Variants in PARVB observed in about 807,000 individuals in gnomAD.
PARVB encodes the protein beta-parvin.
Under a neutral mutation model 47.0 loss-of-function variants are expected in PARVB, and 46 were observed. The ratio of observed to expected loss-of-function variants is 0.98; its 90% confidence interval spans 0.77 to 1.25. The LOEUF is 1.25. Ranked by LOEUF, PARVB falls within the 50% of genes most tolerant of loss-of-function variation. The pLI is 0.00. For missense variants in PARVB, 473 were observed against 471.6 expected (o/e 1.00, Z -0.03); for synonymous variants, 196 against 196.3 (o/e 1.00, Z 0.01).
chr22:44,053,794 ATT>A (rs2051255113), intron 1 of PARVB, among the ~76,000 whole-genome samples: 1 of 152,172 alleles, frequency 6.6e-6, no homozygotes, highest in South Asian at 2.1e-4. Context: ...ATTTACTTAT[ATT>A]TCCTGGTTTA....
At chr22:44,090,971 A>G (rs2052152960) in intron 1 of PARVB, among the ~76,000 whole-genome samples, 2 of 152,230 alleles carry the variant, frequency 1.3e-5, no homozygotes, top group Admixed American at 1.3e-4. Flanking sequence ...ATGTGGTACA[A>G]ATACTTGCTG....
chr22:44,022,150 A>G (rs1289971244), upstream of PARVB, among the ~76,000 whole-genome samples: 1 of 152,052 alleles, frequency 6.6e-6, no homozygotes, highest in African/African-American at 2.4e-5. Context: ...TGCCTGCCTC[A>G]TAATTCCCGT....
chr22:44,107,550 C>A (rs879789415), intron 3 of PARVB: 1 of 152,180 alleles, frequency 6.6e-6, no homozygotes, highest in Non-Finnish European at 1.5e-5. Flanking sequence ...AACGAGGTGA[C>A]TCAGGGTGGG....
upstream of PARVB, among the ~76,000 whole-genome samples, chr22:44,021,966 A>G (rs778639419): frequency 3.9e-5 from 6 of 152,002 alleles, 1 homozygote; most frequent in African/African-American, 1.2e-4. Flanking sequence ...CCTAGCCTAC[A>G]CCTTGATTTG....
intron 1 of PARVB, among the ~76,000 whole-genome samples, chr22:44,027,476 G>A (rs558265417): frequency 2.0e-4 from 30 of 152,364 alleles, no homozygotes; most frequent in African/African-American, 6.3e-4. Flanking sequence ...CCACTGCCCA[G>A]TGGCCAGGGT....
intron 4 of PARVB, among the ~76,000 whole-genome samples, chr22:44,124,923 G>T (rs571906096): frequency 6.6e-6 from 1 of 152,268 alleles, no homozygotes; most frequent in Admixed American, 6.5e-5. Context: ...GGGAGCCCCT[G>T]CCAGAGAAAC....
Position 44,116,417 on chromosome 22 carries a change from C to CA in PARVB, c.274-2619dup, listed in dbSNP as rs1412148446. On this transcript the variant is annotated intron_variant, in intron 3 of 12. Transcript: ENST00000338758. The stretch of plus-strand genomic sequence containing the variant: ...TTATTTTCCTTTCTATCAACCATCA[C>CA]AACCTGAAACTGTGGGCGTCCGTGT... Among the ~76,000 whole-genome samples the CA allele has an allele frequency of 1.6e-4, 25 of 152,354 alleles. No individual in the cohort carries two copies. The East Asian group carries it at 4.2e-3, about 26-fold the overall frequency.
intron 2 of PARVB, among the ~76,000 whole-genome samples, chr22:44,007,464 A>G (rs1386742316): frequency 1.3e-5 from 2 of 151,812 alleles, no homozygotes; most frequent in African/African-American, 2.4e-5. Context: ...CTCTCTGTTC[A>G]CCCTCTTCTG....
chr22:44,031,709 C>T (rs1246300060), intron 1 of PARVB, among the ~76,000 whole-genome samples: 1 of 152,076 alleles, frequency 6.6e-6, no homozygotes, highest in Non-Finnish European at 1.5e-5. Flanking sequence ...ATCGATTGCA[C>T]ATCCTGAAAT....
intron 2 of PARVB, among the ~76,000 whole-genome samples, chr22:44,014,897 C>G (rs949579299): frequency 2.0e-4 from 30 of 151,546 alleles, no homozygotes; most frequent in Admixed American, 1.9e-3. Flanking sequence ...GTTGCACAGG[C>G]TGGAGTGAAG....
At chr22:44,128,320 A>G (rs2053235565) in intron 4 of PARVB, among the ~76,000 whole-genome samples, 1 of 152,194 alleles carries the variant, frequency 6.6e-6, no homozygotes, top group Non-Finnish European at 1.5e-5. Context: ...CTCAACCCCC[A>G]TGTGGCCATC....
At chr22:44,009,831 G>A (rs1185123509) in intron 2 of PARVB, among the ~76,000 whole-genome samples, 3 of 140,912 alleles carry the variant, frequency 2.1e-5, no homozygotes, top group Non-Finnish European at 3.0e-5. Flanking sequence ...TTTTTGAGAC[G>A]GAGTTTTTCT....
At chr22:44,152,941 G>A (rs1050287321) in intron 10 of PARVB, 6 of 152,254 alleles carry the variant, frequency 3.9e-5, no homozygotes, top group African/African-American at 1.4e-4. Context: ...GTCTGAAAAT[G>A]CAGATAAGCA....
intron 1 of PARVB, among the ~76,000 whole-genome samples, chr22:44,092,256 G>A (rs554152207): frequency 9.9e-5 from 15 of 152,128 alleles, no homozygotes; most frequent in Middle Eastern, 3.4e-3. Flanking sequence ...GACTACAGGC[G>A]CACGCCACCA....
intron 11 of PARVB, among the ~76,000 whole-genome samples, chr22:44,159,036 C>T (rs1450812806): frequency 6.6e-6 from 1 of 152,058 alleles, no homozygotes; most frequent in Non-Finnish European, 1.5e-5. Flanking sequence ...TTAGAGAGGT[C>T]TTGGCACATG....
At chr22:44,081,698 C>G in intron 1 of PARVB, 2 of 870,822 alleles carry the variant, frequency 2.3e-6, no homozygotes, top group Non-Finnish European at 2.8e-6. Flanking sequence ...TTCCATTGCC[C>G]CCCGCCTCGG....
chr22:44,122,162 A>G (rs532031598), intron 4 of PARVB, among the ~76,000 whole-genome samples: 5 of 152,326 alleles, frequency 3.3e-5, no homozygotes, highest in African/African-American at 9.6e-5. Flanking sequence ...AAGCATTTAC[A>G]TGCTTCAAAA....
At chr22:44,094,612 C>T (rs1393566919) in intron 2 of PARVB, among the ~76,000 whole-genome samples, 1 of 151,966 alleles carries the variant, frequency 6.6e-6, no homozygotes, top group Non-Finnish European at 1.5e-5. Context: ...GCCTTAGCCT[C>T]CTGAGTAGCT....
chr22:44,105,377 A>T (rs781510587), intron 3 of PARVB: 1 of 152,250 alleles, frequency 6.6e-6, no homozygotes, highest in Non-Finnish European at 1.5e-5. Context: ...TAGGTTCATT[A>T]TCACGTACCT....
Sources: gnomAD v4.1 joint callset for allele counts (sites outside exome capture counted in the v4.1 genomes callset) on GRCh38, gnomAD v4.1.1 for gene constraint, MANE v1.5 for transcripts, NCBI Gene and HGNC (gene_info 2026-07-23, HGNC 2026-07-21) for gene names.